Variants in SPATA21 observed in about 807,000 individuals in gnomAD.
The protein encoded by SPATA21 is spermatogenesis-associated protein 21.
SPATA21 carries 47 observed loss-of-function variants against 54.8 expected under a neutral mutation model. The observed-to-expected ratio is 0.86, with a 90% CI of 0.68 to 1.09. SPATA21 has a LOEUF of 1.09. Among genes scored for constraint, SPATA21 ranks in the 50% least tolerant of loss-of-function variants. The probability of loss-of-function intolerance (pLI) is 0.00; values close to 1 mark genes in which losing one functional copy is unlikely to be tolerated. For synonymous variants in SPATA21, 245 were observed against 235.3 expected, an observed-to-expected ratio of 1.04 and a Z score of -0.38; for missense variants, 599 against 596.4, an observed-to-expected ratio of 1.00 and a Z score of -0.05.
At chr1:16,434,509 G>C (rs2086539031) in intron 1 of SPATA21, among the ~76,000 whole-genome samples, 1 of 151,908 alleles carries the variant, frequency 6.6e-6, no homozygotes, top group Admixed American at 6.6e-5. Context: ...GGTTGCCCAG[G>C]CTGCTCAAAG....
intron 11 of SPATA21, 68 bp from the exon 12 acceptor site, chr1:16,399,589 C>T (rs1478951009): frequency 4.9e-5 from 75 of 1,526,970 alleles, no homozygotes; most frequent in Non-Finnish European, 6.3e-5. Flanking sequence ...CAGGCAGATT[C>T]AAGTGAAATC....
chr1:16,400,798 G>T lies in SPATA21; in HGVS notation c.1096C>A (p.Pro366Thr). The T allele has an allele frequency of 1.9e-6, 3 of 1,611,966 alleles. No individual in the cohort carries two copies. The highest frequency in any genetic ancestry group is 2.5e-6 in the Non-Finnish European group (3 of 1,179,436). Residue 366 changes from proline (P) to threonine (T), a missense_variant, in exon 11 of 13, where the codon CCC becomes ACC. Physicochemically the swap from Pro to Thr is conservative, Grantham distance 38 (BLOSUM62 -1). Transcript: ENST00000335496. ...ACTTCTGAGCTCTCTTCTTGCTGGGGGTTGTAGGGAAGCTTCTGCAACCGC... is the reference window on the plus strand; with the variant it reads ...ACTTCTGAGCTCTCTTCTTGCTGGGTGTTGTAGGGAAGCTTCTGCAACCGC... ...RLRLQKLPYN[P>T]QQEESSEVPE...
Position 16,410,141 on chromosome 1 carries a change from C to T in SPATA21, c.145-98G>A, listed in dbSNP as rs1199319589. 3 of 1,006,642 alleles carry T rather than the reference C, an allele frequency of 3.0e-6. No homozygotes were observed. The African/African-American group carries it at 4.9e-5, about 17-fold the overall frequency. 62.4% of individuals were successfully genotyped at this position (1,006,642 alleles called of 1,614,324 possible). ...CCCTCTCCAGAGATCCTCAGACTGC[C>T]CCTTACTCTCTGAGCCTTTGGAGGA... On this transcript the variant is annotated intron_variant, in intron 5 of 12. Transcript: ENST00000335496.
At position 16,428,909 on chromosome 1, in the gene SPATA21, T is replaced by C. The variant is rs1360834553; in HGVS notation, c.34+2429A>G. The stretch of plus-strand genomic sequence containing the variant: ...GCCTTAGTCAACACCGTAAAACAAA[T>C]GAGGCTGCAAGGGGTGCAGTGACAG... On this transcript the variant is annotated intron_variant, in intron 3 of 12. Transcript: ENST00000335496. The surrounding 1 kb of genome is among the most constrained non-coding windows in gnomAD (Gnocchi z 4.3). 6.6e-6 allele frequency among the ~76,000 whole-genome samples: 1 copy of C among 152,116 alleles called. No homozygotes were observed. Among genetic ancestry groups the C allele is most frequent in the African/African-American group, 2.4e-5 (1 of 41,416 alleles).
intron 3 of SPATA21, among the ~76,000 whole-genome samples, chr1:16,426,378 C>T (rs2086317076): frequency 6.6e-6 from 1 of 151,652 alleles, no homozygotes; most frequent in South Asian, 2.1e-4. Context: ...CCCGCCTTAG[C>T]CTCCCAAGTA....
chr1:16,431,860 T>TCAGAG (rs2086466348), intron 2 of SPATA21, among the ~76,000 whole-genome samples: 6 of 152,162 alleles, frequency 3.9e-5, no homozygotes, highest in African/African-American at 1.2e-4. Context: ...ACAGGCTCTT[T>TCAGAG]CCTGTACAAC....
intron 3 of SPATA21, among the ~76,000 whole-genome samples, chr1:16,429,159 GGCT>G (rs2086394057): frequency 1.3e-5 from 2 of 150,404 alleles, no homozygotes; most frequent in Admixed American, 1.3e-4. Context: ...TTTTTTTTTT[GGCT>G]TTTTTTTTCT....
intron 8 of SPATA21, 130 bp from the exon 9 acceptor site, chr1:16,404,169 C>T: frequency 2.7e-6 from 2 of 748,928 alleles, no homozygotes; most frequent in South Asian, 1.7e-5. Context: ...ATGCAGAAAA[C>T]ATGGGGCACA....
rs531673970 is a variant in SPATA21, at chr1:16,421,456, C to G, written c.144+53G>C. 6.5e-6 allele frequency: 10 copies of G among 1,543,520 alleles called. No homozygotes were observed. Among genetic ancestry groups the G allele is most frequent in the Non-Finnish European group, 8.8e-6 (10 of 1,137,768 alleles). On this transcript the variant is annotated intron_variant, in intron 5 of 12. Coordinates refer to ENST00000335496, the MANE Select transcript of SPATA21 (RefSeq NM_198546.1). The surrounding 1 kb of genome is among the most constrained non-coding windows in gnomAD (Gnocchi z 5.2). ...CTGCCCTCTTCCTCCTCCTGATCCC[C>G]CCTGCCTTTCTCCTACACAGCTCGT... is the stretch of plus-strand genomic sequence containing the variant.
At chr1:16,411,215 C>G (rs1238513677) in intron 5 of SPATA21, among the ~76,000 whole-genome samples, 5 of 151,724 alleles carry the variant, frequency 3.3e-5, no homozygotes, top group African/African-American at 1.2e-4. Flanking sequence ...GAAATAGGGT[C>G]TCGTTTTGTT....
intron 1 of SPATA21, among the ~76,000 whole-genome samples, chr1:16,436,876 A>C (rs2086600485): frequency 6.6e-6 from 1 of 152,120 alleles, no homozygotes; most frequent in South Asian, 2.1e-4. Context: ...AAATAAATAA[A>C]TAAATAAATA....
rs1487760578 is a variant in SPATA21 at position 16,409,366 on chromosome 1, G to A, written c.588-163C>T. On this transcript the variant is annotated intron_variant, in intron 6 of 12. Coordinates refer to ENST00000335496, the MANE Select transcript of SPATA21 (RefSeq NM_198546.1). The surrounding 1 kb of genome is among the most constrained non-coding windows in gnomAD (Gnocchi z 4.1). ...GAAAAAGGAGATCCAGAGGAGAAGT[G>A]GGACAGAGGAGAGGGGACTAGAGGG... Among the ~76,000 whole-genome samples the A allele has an allele frequency of 2.6e-5, 4 of 152,214 alleles. No individual in the cohort carries two copies. The East Asian group carries it at 7.7e-4, about 29-fold the overall frequency.
chr1:16,431,462 C>T, intron 2 of SPATA21, 40 bp from the exon 3 acceptor site: 3 of 1,564,016 alleles, frequency 1.9e-6, no homozygotes, highest in South Asian at 1.2e-5. Context: ...CCAAGCCCAT[C>T]ACCTAACTGC....
Position 16,409,882 on chromosome 1 carries a change from G to A in SPATA21, c.306C>T (p.Ala102=), listed in dbSNP as rs1181233728. 1.9e-6 allele frequency: 3 copies of A among 1,612,618 alleles called. No individual in the cohort carries two copies. The highest frequency in any genetic ancestry group is 3.3e-5 in the Admixed American group (2 of 59,736). The change falls in exon 6 of 13, where the codon GCC becomes GCT. Residue 102 remains alanine, a synonymous_variant. Transcript: ENST00000335496. This position sits in a 1 kb window ranked among gnomAD's most constrained non-coding sequence, Gnocchi z 4.1. Reference sequence around the variant, plus strand: ...GGGCTGTCTGGGACCGGGCCTTCGAGGCTCTCCGATGGGAGGCCTCCATTT... The same window carrying A: ...GGGCTGTCTGGGACCGGGCCTTCGAAGCTCTCCGATGGGAGGCCTCCATTT... The part of the protein sequence containing the change: ...VEKMEASHRR[A]SKARSQTAQK...
intron 7 of SPATA21, among the ~76,000 whole-genome samples, chr1:16,406,944 C>T (rs1008121321): frequency 1.6e-4 from 25 of 152,354 alleles, no homozygotes; most frequent in Non-Finnish European, 2.8e-4. Flanking sequence ...GCTGTTTCAA[C>T]CATCCAGTCT....
At chr1:16,427,987 C>T (rs1401720389) in intron 3 of SPATA21, 1 of 1,549,826 alleles carries the variant, frequency 6.5e-7, no homozygotes, top group Non-Finnish European at 8.7e-7. Context: ...CTTCTTGCTG[C>T]CCACTTCCGA....
At chr1:16,431,915 C>A (rs1270840483) in intron 2 of SPATA21, among the ~76,000 whole-genome samples, 2 of 151,924 alleles carry the variant, frequency 1.3e-5, no homozygotes, top group Non-Finnish European at 1.5e-5. Context: ...AAAGAGAGTC[C>A]AAGAATGTCA....
chr1:16,416,876 C>T (rs566141390), intron 5 of SPATA21, among the ~76,000 whole-genome samples: 240 of 152,212 alleles, frequency 1.6e-3, no homozygotes, highest in African/African-American at 5.6e-3. Context: ...TCAGCAAGTG[C>T]GGCACACGCA....
intron 8 of SPATA21, among the ~76,000 whole-genome samples, chr1:16,404,692 C>T (rs888970809): frequency 1.6e-4 from 24 of 152,062 alleles, no homozygotes; most frequent in Non-Finnish European, 2.6e-4. Flanking sequence ...CGCCTATAGC[C>T]CCAATTACTC....
Sources: gnomAD v4.1 joint callset for allele counts (sites outside exome capture counted in the v4.1 genomes callset) on GRCh38, gnomAD v4.1.1 for gene constraint, Gnocchi (gnomAD v3.1) non-coding constraint, MANE v1.5 for transcripts, NCBI Gene and HGNC (gene_info 2026-07-23, HGNC 2026-07-21) for gene names.